Variants in UBE2G2 observed in about 807,000 individuals in gnomAD.
UBE2G2 encodes the protein ubiquitin-conjugating enzyme E2 G2.
A neutral mutation model predicts 23.0 loss-of-function variants in UBE2G2; 10 were observed. The ratio of observed to expected loss-of-function variants is 0.43; its 90% CI spans 0.27 to 0.74. The LOEUF (loss-of-function observed/expected upper bound fraction) is 0.74, where lower values mean the gene tolerates loss of function less well. Among genes scored for constraint, UBE2G2 ranks in the 30% least tolerant of loss-of-function variants. The pLI, the probability that UBE2G2 is intolerant of heterozygous loss-of-function variation, is 0.19. For missense variants in UBE2G2, 150 were observed against 218.3 expected, an observed-to-expected ratio of 0.69 and a Z score of 1.97; for synonymous variants, 86 against 81.3, an observed-to-expected ratio of 1.06 and a Z score of -0.31.
rs2083132620 is a variant in UBE2G2 at position 44,801,062 on chromosome 21, TC to T, written c.43+643del. The T allele has an allele frequency of 2.6e-5, 4 of 153,140 alleles. No homozygotes were observed. In the Admixed American group the frequency reaches 2.6e-4, roughly 10 times the overall value. The allele number at this position is 153,140 out of a possible 1,614,324, so 9.5% of individuals were successfully genotyped here. A position where few individuals can be genotyped will look rare whatever the true frequency, so the allele number is the denominator to read the frequency against. The stretch of plus-strand genomic sequence containing the variant: ...TTCAACACAATGGTATTCCAAGACT[TC>T]TCGCAGCAGTTCTTCCAAGCGGGCA... On this transcript the variant is annotated intron_variant, in intron 1 of 5. Coordinates refer to ENST00000345496, the MANE Select transcript of UBE2G2 (RefSeq NM_003343.6).
chr21:44,780,247 C>T (rs376151074), intron 3 of UBE2G2, among the ~76,000 whole-genome samples: 1 of 152,232 alleles, frequency 6.6e-6, no homozygotes, highest in Non-Finnish European at 1.5e-5. Context: ...GAACGCCTGG[C>T]GCCCAGACAG....
At chr21:44,795,375 T>C (rs2083078929) in intron 1 of UBE2G2, among the ~76,000 whole-genome samples, 1 of 152,188 alleles carries the variant, frequency 6.6e-6, no homozygotes. Context: ...CTCGCAGTTG[T>C]AATTCCAACA....
Position 44,801,711 on chromosome 21 carries a change from T to A in UBE2G2, c.38A>T (p.Tyr13Phe). ...GCCCGGGTCCCCAGACTCACGTTTG[T>A]ACTCGGCCATCAGCCTCTTGAGCGC... ...GTALKRLMAE[Y>F]KQLTLNPPEG... Residue 13 changes from tyrosine (Y) to phenylalanine (F), a missense_variant, in exon 1 of 6, where the codon TAC (tyrosine) becomes TTC (phenylalanine). Coordinates refer to ENST00000345496, the MANE Select transcript of UBE2G2 (RefSeq NM_003343.6). 1 of 1,522,646 alleles carries A rather than the reference T, an allele frequency of 6.6e-7. No individual in the cohort carries two copies. Among genetic ancestry groups the A allele is most frequent in the Non-Finnish European group, 8.8e-7 (1 of 1,136,830 alleles). The allele number at this position is 1,522,646 out of a possible 1,614,324, so 94.3% of individuals were successfully genotyped here.
At chr21:44,778,720 G>A (rs2082932272) in intron 3 of UBE2G2, among the ~76,000 whole-genome samples, 1 of 152,206 alleles carries the variant, frequency 6.6e-6, no homozygotes, top group Non-Finnish European at 1.5e-5. Context: ...CGAAACAGTG[G>A]AAGTTGCACT....
rs2082870133 is a variant in UBE2G2, at chr21:44,771,091, T to C, written c.*286A>G. 2.8e-6 allele frequency: 1 copy of C among 358,508 alleles called. No individual in the cohort carries two copies. The highest frequency in any genetic ancestry group is 5.6e-5 in the East Asian group (1 of 17,766). The allele number at this position is 358,508 out of a possible 1,614,324, so 22.2% of individuals were successfully genotyped here. A position where few individuals can be genotyped will look rare whatever the true frequency, so the allele number is the denominator to read the frequency against. ...GAATCCACAGGAAGCCATGAACTGC[T>C]GGTTTCAGCGGGGAGAGGTAGTGCT... On this transcript the variant is annotated 3_prime_UTR_variant, in exon 6 of 6. Transcript: ENST00000345496. This position sits in a 1 kb window ranked among gnomAD's most constrained non-coding sequence, Gnocchi z 4.6.
chr21:44,773,003 T>C (rs1156698522), intron 5 of UBE2G2, among the ~76,000 whole-genome samples: 2 of 152,210 alleles, frequency 1.3e-5, no homozygotes, highest in Non-Finnish European at 2.9e-5. Flanking sequence ...AGCCACCTCC[T>C]GCCTCTGGGC....
chr21:44,787,092 CAAA>C (rs11448217), intron 3 of UBE2G2, among the ~76,000 whole-genome samples: 2 of 141,116 alleles, frequency 1.4e-5, no homozygotes. Context: ...AACTCCATCT[CAAA>C]AAAAAAAAAG....
In UBE2G2 at chr21:44,777,387, A is replaced by C; in HGVS notation, c.156T>G (p.Gly52=). ...GGAAACTCAGGATGGCAGGAAAAAC[A>C]CCAAACTCAAAGCAGGTGTCTTCTG... ...MGPEDTCFEF[G]VFPAILSFPL... Residue 52 remains glycine (G), a synonymous_variant, in exon 4 of 6, where the codon GGT becomes GGG. Transcript: ENST00000345496. The C allele has an allele frequency of 6.2e-7, 1 of 1,614,110 alleles. No individual in the cohort carries two copies. Among genetic ancestry groups the C allele is most frequent in the Non-Finnish European group, 8.5e-7 (1 of 1,180,018 alleles).
chr21:44,782,850 A>G (rs1217961392), intron 3 of UBE2G2, among the ~76,000 whole-genome samples: 5 of 152,208 alleles, frequency 3.3e-5, no homozygotes, highest in African/African-American at 1.2e-4. Context: ...ACAAGCAAAC[A>G]TAAGAGAAAA....
intron 5 of UBE2G2, 141 bp downstream of exon 5, chr21:44,773,406 G>T: frequency 9.0e-7 from 1 of 1,109,036 alleles, no homozygotes; most frequent in Non-Finnish European, 1.2e-6. Context: ...AGTGTAGGCA[G>T]ATAACATTAA....
In UBE2G2 at chr21:44,801,712, A is replaced by G; in HGVS notation, c.37T>C (p.Tyr13His). ...CCCGGGTCCCCAGACTCACGTTTGT[A>G]CTCGGCCATCAGCCTCTTGAGCGCG... ...GTALKRLMAE[Y>H]KQLTLNPPEG... Residue 13 changes from tyrosine (Y) to histidine (H), a missense_variant, in exon 1 of 6, where the codon TAC (tyrosine) becomes CAC (histidine). By Grantham distance (83) the Tyr-to-His change is moderately conservative. Transcript: ENST00000345496. 6.6e-7 allele frequency: 1 copy of G among 1,521,924 alleles called. No homozygotes were observed. Among genetic ancestry groups the G allele is most frequent in the South Asian group, 1.2e-5 (1 of 80,960 alleles). 94.3% of individuals were successfully genotyped at this position (1,521,924 alleles called of 1,614,324 possible). A position where few individuals can be genotyped will look rare whatever the true frequency, so the allele number is the denominator to read the frequency against.
chr21:44,788,000 C>T (rs782406535), intron 2 of UBE2G2, 35 bp from the exon 3 acceptor site: 3 of 1,610,880 alleles, frequency 1.9e-6, no homozygotes, highest in Non-Finnish European at 2.5e-6. Flanking sequence ...AACATTTTAA[C>T]TTTGAAGGAA....
chr21:44,794,684 G>A (rs993574629), intron 1 of UBE2G2, among the ~76,000 whole-genome samples: 8 of 151,882 alleles, frequency 5.3e-5, no homozygotes, highest in African/African-American at 1.5e-4. Flanking sequence ...ACAGGGGTCC[G>A]CCACCATGCC....
intron 1 of UBE2G2, among the ~76,000 whole-genome samples, chr21:44,798,064 G>T (rs1490457741): frequency 2.0e-5 from 3 of 152,154 alleles, no homozygotes; most frequent in African/African-American, 7.2e-5. Context: ...TGGATTAAGT[G>T]AAAGGATAGC....
intron 3 of UBE2G2, among the ~76,000 whole-genome samples, chr21:44,778,985 A>C (rs2082934852): frequency 1.3e-5 from 2 of 152,272 alleles, no homozygotes; most frequent in African/African-American, 4.8e-5. Flanking sequence ...TCTTCAGTTA[A>C]AAAATAGATT....
intron 4 of UBE2G2, chr21:44,774,149 A>G (rs1364473869): frequency 6.5e-6 from 1 of 153,696 alleles, no homozygotes; most frequent in Admixed American, 6.5e-5. Flanking sequence ...AGGCAACTGG[A>G]ATTATGTAAA....
chr21:44,797,740 A>AAAAAAAAAAAAAAAAG (rs781868771), intron 1 of UBE2G2, among the ~76,000 whole-genome samples: 1 of 114,302 alleles, frequency 8.7e-6, no homozygotes, highest in African/African-American at 3.2e-5. Context: ...AAAAAAAAAA[A>AAAAAAAAAAAAAAAAG]AGAGAAAATA....
intron 1 of UBE2G2, among the ~76,000 whole-genome samples, chr21:44,794,471 T>TA (rs1275277743): frequency 2.6e-5 from 4 of 151,838 alleles, no homozygotes; most frequent in Non-Finnish European, 5.9e-5. Flanking sequence ...TATAACACAA[T>TA]AGCAAGAAAT....
At chr21:44,801,542 A>T in intron 1 of UBE2G2, 164 bp downstream of exon 1, 1 of 1,147,954 alleles carries the variant, frequency 8.7e-7, no homozygotes, top group Non-Finnish European at 1.1e-6. Context: ...GAGAGTGGGC[A>T]GCGGGCGCAG....
Sources: allele counts gnomAD v4.1 joint callset (sites outside exome capture counted in the v4.1 genomes callset), GRCh38; gene constraint gnomAD v4.1.1; non-coding constraint Gnocchi (gnomAD v3.1); transcripts MANE v1.5; gene names NCBI Gene and HGNC (gene_info 2026-07-23, HGNC 2026-07-21).